Variants in ABHD17C observed in about 807,000 individuals in gnomAD.
The protein encoded by ABHD17C is alpha/beta hydrolase domain-containing protein 17C.
ABHD17C carries 11 observed loss-of-function variants against 27.9 expected under a neutral mutation model. The ratio of observed to expected loss-of-function variants is 0.39; its 90% CI spans 0.25 to 0.65. ABHD17C has a LOEUF of 0.65. Ranked by LOEUF, ABHD17C falls within the 30% of genes least tolerant of loss-of-function variation. The pLI, the probability that ABHD17C is intolerant of heterozygous loss-of-function variation, is 0.45. For synonymous variants in ABHD17C, 233 were observed against 209.1 expected (o/e 1.11, Z -0.98); for missense variants, 280 against 470.2 (o/e 0.60, Z 3.74).
At chr15:80,745,752 C>T (rs1463238279) in intron 1 of ABHD17C, among the ~76,000 whole-genome samples, 1 of 152,058 alleles carries the variant, frequency 6.6e-6, no homozygotes, top group African/African-American at 2.4e-5. Context: ...CCCACGTAAC[C>T]AAAAACCGCC....
intron 1 of ABHD17C, among the ~76,000 whole-genome samples, chr15:80,713,988 C>G (rs929800788): frequency 2.0e-5 from 3 of 151,916 alleles, no homozygotes; most frequent in Non-Finnish European, 4.4e-5. Context: ...TGGTCTTGCT[C>G]TGTCACCCAG....
intron 1 of ABHD17C, among the ~76,000 whole-genome samples, chr15:80,723,138 ATG>A (rs57751486): frequency 4.6e-3 from 577 of 124,996 alleles, no homozygotes; most frequent in African/African-American, 0.021. Flanking sequence ...GTGTGTATAT[ATG>A]TGTGTGTGTG....
intron 1 of ABHD17C, among the ~76,000 whole-genome samples, chr15:80,726,154 G>T (rs1041054377): frequency 1.1e-4 from 17 of 152,226 alleles, no homozygotes. Flanking sequence ...ATGTCCTTAA[G>T]GCACAGATCG....
chr15:80,735,060 AT>A (rs1184475124), intron 1 of ABHD17C, among the ~76,000 whole-genome samples: 2 of 152,158 alleles, frequency 1.3e-5, no homozygotes, highest in African/African-American at 4.8e-5. Flanking sequence ...TTGAACAGAT[AT>A]CCCCCAGGCT....
In ABHD17C at chr15:80,733,744, T is replaced by G. The variant is rs1596069887; in HGVS notation, c.591-15769T>G. Among the ~76,000 whole-genome samples, 8 of 152,326 alleles carry G rather than the reference T, an allele frequency of 5.3e-5. 1 individual carries two copies. The South Asian group carries it at 1.7e-3, about 32-fold the overall frequency. ...CACCAACCATCTGTGTCTCCTCCAC[T>G]ATAGCACTTGTATGAACTCATCCTA... On this transcript the variant is annotated intron_variant, in intron 1 of 2. Transcript: ENST00000258884.
At chr15:80,710,165 A>T (rs984819311) in intron 1 of ABHD17C, among the ~76,000 whole-genome samples, 1 of 152,164 alleles carries the variant, frequency 6.6e-6, no homozygotes, top group Non-Finnish European at 1.5e-5. Flanking sequence ...TATGTGCAGA[A>T]ATGGGCTGAG....
chr15:80,740,585 C>T (rs1895196038), intron 1 of ABHD17C, among the ~76,000 whole-genome samples: 1 of 152,132 alleles, frequency 6.6e-6, no homozygotes, highest in African/African-American at 2.4e-5. Flanking sequence ...GGTACAGAGA[C>T]ATACGGATCA....
intron 1 of ABHD17C, among the ~76,000 whole-genome samples, chr15:80,724,792 A>G (rs1046899777): frequency 3.3e-5 from 5 of 151,800 alleles, no homozygotes; most frequent in African/African-American, 9.7e-5. Context: ...CCCTCCTCCT[A>G]TTATTCATTC....
intron 1 of ABHD17C, among the ~76,000 whole-genome samples, chr15:80,733,959 TATTATTTA>T (rs1895090238): frequency 8.9e-6 from 1 of 112,068 alleles, no homozygotes; most frequent in Non-Finnish European, 1.8e-5. Flanking sequence ...AATTTTATTT[TATTATTTA>T]TTTATTTATT....
intron 1 of ABHD17C, among the ~76,000 whole-genome samples, chr15:80,729,478 C>T (rs1448523215): frequency 3.3e-5 from 5 of 151,948 alleles, no homozygotes; most frequent in African/African-American, 1.2e-4. Context: ...AAAATGCATA[C>T]AAATGGAGTT....
intron 1 of ABHD17C, among the ~76,000 whole-genome samples, chr15:80,737,625 A>T (rs553463648): frequency 3.3e-5 from 5 of 152,274 alleles, no homozygotes; most frequent in African/African-American, 1.2e-4. Context: ...AAACACATCC[A>T]CCTTCCTGTC....
intron 1 of ABHD17C, among the ~76,000 whole-genome samples, chr15:80,709,042 C>T (rs1034494834): frequency 6.6e-6 from 1 of 152,172 alleles, no homozygotes; most frequent in Non-Finnish European, 1.5e-5. Flanking sequence ...CTGCGAATCT[C>T]CTTTGCTGAA....
At chr15:80,715,275 C>G (rs1894788784) in intron 1 of ABHD17C, among the ~76,000 whole-genome samples, 1 of 152,194 alleles carries the variant, frequency 6.6e-6, no homozygotes, top group Non-Finnish European at 1.5e-5. Flanking sequence ...GTTCTGACCA[C>G]TTTACCATTT....
At chr15:80,742,548 A>G (rs1326757288) in intron 1 of ABHD17C, among the ~76,000 whole-genome samples, 3 of 152,208 alleles carry the variant, frequency 2.0e-5, no homozygotes, top group Non-Finnish European at 4.4e-5. Context: ...ATTTAATACT[A>G]GTCTCTTCCA....
chr15:80,736,186 T>C (rs149091688), intron 1 of ABHD17C, among the ~76,000 whole-genome samples: 1 of 152,376 alleles, frequency 6.6e-6, no homozygotes, highest in African/African-American at 2.4e-5. Flanking sequence ...GTTTTCACCA[T>C]TGGAATGAAC....
intron 1 of ABHD17C, among the ~76,000 whole-genome samples, chr15:80,738,070 C>T (rs778107607): frequency 6.6e-6 from 1 of 151,378 alleles, no homozygotes; most frequent in Non-Finnish European, 1.5e-5. Context: ...GGAAGGAAAA[C>T]AGGTCTGGGA....
At chr15:80,709,213 G>C (rs1894694883) in intron 1 of ABHD17C, among the ~76,000 whole-genome samples, 1 of 151,570 alleles carries the variant, frequency 6.6e-6, no homozygotes, top group African/African-American at 2.4e-5. Flanking sequence ...TTGGGGCCTG[G>C]CGTAGTGGCT....
intron 1 of ABHD17C, among the ~76,000 whole-genome samples, chr15:80,698,274 C>T (rs1894523345): frequency 6.6e-6 from 1 of 152,060 alleles, no homozygotes; most frequent in South Asian, 2.1e-4. Flanking sequence ...CCGTGTTAGC[C>T]AGGATGGTCT....
chr15:80,699,703 G>A (rs1894545209), intron 1 of ABHD17C, among the ~76,000 whole-genome samples: 1 of 152,196 alleles, frequency 6.6e-6, no homozygotes, highest in South Asian at 2.1e-4. Flanking sequence ...TATTAAGGTG[G>A]GCACGTAATC....
Sources: gnomAD v4.1 joint callset for allele counts (sites outside exome capture counted in the v4.1 genomes callset) on GRCh38, gnomAD v4.1.1 for gene constraint, MANE v1.5 for transcripts, NCBI Gene and HGNC (gene_info 2026-07-23, HGNC 2026-07-21) for gene names.